Variants in CDK6 observed in about 807,000 individuals in gnomAD.
CDK6 encodes cyclin dependent kinase 6.
Under a neutral mutation model 37.1 loss-of-function variants are expected in CDK6, and 6 were observed. That is an observed-to-expected ratio of 0.16 (90% confidence interval 0.09 to 0.32). CDK6 has a LOEUF of 0.32. Ranked by LOEUF, CDK6 falls within the 10% of genes least tolerant of loss-of-function variation. The probability of loss-of-function intolerance (pLI) is 1.00; values close to 1 mark genes in which losing one functional copy is unlikely to be tolerated. For missense variants in CDK6, 224 were observed against 418.9 expected (o/e 0.53, Z 4.06); for synonymous variants, 160 against 161.3 (o/e 0.99, Z 0.06).
At chr7:92,774,519 CACTT>C (rs1478857000) in intron 3 of CDK6, among the ~76,000 whole-genome samples, 173 bp downstream of exon 3, 1 of 152,122 alleles carries the variant, frequency 6.6e-6, no homozygotes, top group Non-Finnish European at 1.5e-5. Flanking sequence ...TTGAACATCT[CACTT>C]AGTTGATGAA....
At chr7:92,765,123 T>C (rs1434478637) in intron 3 of CDK6, among the ~76,000 whole-genome samples, 1 of 152,130 alleles carries the variant, frequency 6.6e-6, no homozygotes. Flanking sequence ...ACAATTGGGA[T>C]ATAGGGAAAG....
chr7:92,812,744 G>T lies in CDK6; in HGVS notation c.233+20347C>A, dbSNP rs561493474. Among the ~76,000 whole-genome samples, 3 of 152,224 alleles carry T rather than the reference G, an allele frequency of 2.0e-5. No individual in the cohort carries two copies. In the East Asian group the frequency reaches 5.8e-4, roughly 29 times the overall value. The stretch of plus-strand genomic sequence containing the variant: ...CCTGGCCCACACTCAAACTTTTTAA[G>T]ATGACAGCACAGTACCTTTCACAAG... On this transcript the variant is annotated intron_variant, in intron 2 of 7. Coordinates refer to ENST00000424848, the MANE Select transcript of CDK6 (RefSeq NM_001145306.2).
intron 4 of CDK6, among the ~76,000 whole-genome samples, chr7:92,699,124 T>C (rs1452685402): frequency 2.6e-5 from 4 of 152,346 alleles, no homozygotes; most frequent in South Asian, 2.1e-4. Flanking sequence ...ATTTGATGTA[T>C]GTAAGATGAA....
At chr7:92,768,157 G>A (rs1035664483) in intron 3 of CDK6, among the ~76,000 whole-genome samples, 19 of 152,128 alleles carry the variant, frequency 1.2e-4, no homozygotes, top group African/African-American at 3.9e-4. Flanking sequence ...GATGCTGAAG[G>A]TGGGAGGCTG....
intron 4 of CDK6, among the ~76,000 whole-genome samples, chr7:92,688,505 A>G (rs191609232): frequency 6.6e-6 from 1 of 150,528 alleles, no homozygotes; most frequent in East Asian, 2.0e-4. Flanking sequence ...TGTCCCTTCT[A>G]TGTCGGACTT....
At chr7:92,817,416 A>G (rs187389238) in intron 2 of CDK6, among the ~76,000 whole-genome samples, 4 of 152,016 alleles carry the variant, frequency 2.6e-5, no homozygotes, top group Admixed American at 2.0e-4. Context: ...AATCAATTCA[A>G]TTCTTCAGAA....
chr7:92,646,757 T>C (rs1473994034), intron 5 of CDK6, among the ~76,000 whole-genome samples: 2 of 152,102 alleles, frequency 1.3e-5, no homozygotes, highest in African/African-American at 4.8e-5. Context: ...AAGAATCCCA[T>C]GGGATTCTTC....
chr7:92,686,975 G>T (rs964408327), intron 4 of CDK6, among the ~76,000 whole-genome samples: 2 of 151,520 alleles, frequency 1.3e-5, no homozygotes, highest in African/African-American at 4.8e-5. Flanking sequence ...GAATGTTTGT[G>T]GTTTTTTTCT....
intron 4 of CDK6, chr7:92,725,072 T>A (rs1344911778): frequency 3.0e-6 from 3 of 985,310 alleles, no homozygotes; most frequent in Non-Finnish European, 3.6e-6. Flanking sequence ...GCCGTTGGGT[T>A]CGCTCTTTCT....
intron 5 of CDK6, among the ~76,000 whole-genome samples, chr7:92,629,444 C>A (rs1015953984): frequency 2.0e-5 from 3 of 152,040 alleles, no homozygotes; most frequent in Non-Finnish European, 4.4e-5. Flanking sequence ...GAGGGACAAA[C>A]CCTACCATTT....
intron 5 of CDK6, among the ~76,000 whole-genome samples, chr7:92,640,472 A>T (rs1796278062): frequency 6.6e-6 from 1 of 152,218 alleles, no homozygotes; most frequent in South Asian, 2.1e-4. Flanking sequence ...ATAAGAGTCT[A>T]TCCCAACTTG....
At chr7:92,759,452 G>C (rs1345576775) in intron 3 of CDK6, among the ~76,000 whole-genome samples, 6 of 152,038 alleles carry the variant, frequency 3.9e-5, no homozygotes, top group Non-Finnish European at 8.8e-5. Context: ...GGACGAGTCT[G>C]GAACACACCA....
Position 92,623,183 on chromosome 7 carries a change from C to T in CDK6, c.648-97G>A, listed in dbSNP as rs1293490129. Reference sequence around the variant, plus strand: ...ATTGTTTCACAGGAAGCAAAATATTCTTTATGGGTTGGGAAGAAGTAAAAA... The same window carrying T: ...ATTGTTTCACAGGAAGCAAAATATTTTTTATGGGTTGGGAAGAAGTAAAAA... On this transcript the variant is annotated intron_variant, in intron 5 of 7. Transcript: ENST00000424848. The T allele has an allele frequency of 9.0e-5, 74 of 824,502 alleles. 1 individual carries two copies. The South Asian group carries it at 1.1e-3, about 12-fold the overall frequency. The allele number at this position is 824,502 out of a possible 1,614,324, so 51.1% of individuals were successfully genotyped here. A position where few individuals can be genotyped will look rare whatever the true frequency, so the allele number is the denominator to read the frequency against.
At chr7:92,624,882 G>GA (rs1187574687) in intron 5 of CDK6, among the ~76,000 whole-genome samples, 1 of 152,068 alleles carries the variant, frequency 6.6e-6, no homozygotes, top group African/African-American at 2.4e-5. Flanking sequence ...TTCAGATGAG[G>GA]AAACTGAGTA....
intron 4 of CDK6, among the ~76,000 whole-genome samples, chr7:92,687,542 A>G (rs989434783): frequency 6.6e-6 from 1 of 152,236 alleles, no homozygotes; most frequent in Non-Finnish European, 1.5e-5. Flanking sequence ...AGTGTTCTAG[A>G]TTAACAACTA....
At chr7:92,816,861 A>C (rs1049532124) in intron 2 of CDK6, among the ~76,000 whole-genome samples, 2 of 152,056 alleles carry the variant, frequency 1.3e-5, no homozygotes, top group Admixed American at 6.6e-5. Context: ...TATCAGGAAT[A>C]AAAGAGTGGA....
At chr7:92,630,017 C>T (rs1328597106) in intron 5 of CDK6, among the ~76,000 whole-genome samples, 1 of 152,084 alleles carries the variant, frequency 6.6e-6, no homozygotes, top group Non-Finnish European at 1.5e-5. Flanking sequence ...AATAATCTCC[C>T]AAAAGCCCCA....
chr7:92,648,677 C>G (rs373361055), intron 5 of CDK6, among the ~76,000 whole-genome samples: 2 of 152,140 alleles, frequency 1.3e-5, no homozygotes, highest in Non-Finnish European at 1.5e-5. Flanking sequence ...CAGTTCAATA[C>G]GTATTGGATG....
rs973170897 is a variant in CDK6, at chr7:92,606,395, A to T, written c.*8745T>A. 1 of 233,292 alleles carries T rather than the reference A, an allele frequency of 4.3e-6. No individual in the cohort carries two copies. Among genetic ancestry groups the T allele is most frequent in the Non-Finnish European group, 8.5e-6 (1 of 118,142 alleles). The allele number at this position is 233,292 out of a possible 1,614,324, so 14.5% of individuals were successfully genotyped here. A position where few individuals can be genotyped will look rare whatever the true frequency, so the allele number is the denominator to read the frequency against. ...GTGGTGGCCAGGCCTAGACAGGCAC[A>T]CCTGTGGTCCATGATGTGGAGGAAG... On this transcript the variant is annotated 3_prime_UTR_variant, in exon 8 of 8. Transcript: ENST00000424848.
Sources: gnomAD v4.1 joint callset for allele counts (sites outside exome capture counted in the v4.1 genomes callset) on GRCh38, gnomAD v4.1.1 for gene constraint, MANE v1.5 for transcripts, NCBI Gene and HGNC (gene_info 2026-07-23, HGNC 2026-07-21) for gene names.